Variants in OXR1 observed in about 807,000 individuals in gnomAD.
OXR1 encodes oxidation resistance 1.
A neutral mutation model predicts 104.6 loss-of-function variants in OXR1; 41 were observed. The observed-to-expected ratio is 0.39, with a 90% CI of 0.31 to 0.51. The LOEUF (loss-of-function observed/expected upper bound fraction) is 0.51, where lower values mean the gene tolerates loss of function less well. OXR1 is among the 20% of genes least tolerant of loss of function. OXR1 has a pLI of 0.77. For missense variants in OXR1, 955 were observed against 1,031.9 expected (o/e 0.93, Z 1.02); for synonymous variants, 348 against 348.4 (o/e 1.00, Z 0.01).
chr8:106,444,700 A>T (rs1445758016), intron 2 of OXR1, among the ~76,000 whole-genome samples: 1 of 152,030 alleles, frequency 6.6e-6, no homozygotes, highest in East Asian at 1.9e-4. Context: ...GTGGGGGGTG[A>T]GGGGCAGGAA....
intron 2 of OXR1, among the ~76,000 whole-genome samples, chr8:106,487,570 C>T (rs1810766315): frequency 6.6e-6 from 1 of 151,558 alleles, no homozygotes; most frequent in Non-Finnish European, 1.5e-5. Context: ...CTATCCCTCC[C>T]CACCCCCCAA....
At chr8:106,654,215 T>A (rs1379042893) in intron 3 of OXR1, among the ~76,000 whole-genome samples, 1 of 152,036 alleles carries the variant, frequency 6.6e-6, no homozygotes, top group Non-Finnish European at 1.5e-5. Flanking sequence ...AAAATTCATA[T>A]GGAATGAAAA....
intron 1 of OXR1, among the ~76,000 whole-genome samples, chr8:106,352,738 A>G (rs1460623713): frequency 6.6e-6 from 1 of 152,224 alleles, no homozygotes; most frequent in Admixed American, 6.5e-5. Flanking sequence ...AGGTGCAGGT[A>G]AAACTGTATA....
At chr8:106,678,896 T>C (rs1383943781) in intron 3 of OXR1, among the ~76,000 whole-genome samples, 1 of 152,078 alleles carries the variant, frequency 6.6e-6, no homozygotes, top group Admixed American at 6.5e-5. Context: ...AATGTGTTGG[T>C]ATTATAATCA....
intron 11 of OXR1, among the ~76,000 whole-genome samples, chr8:106,719,805 T>A (rs1040684140): frequency 1.3e-5 from 2 of 151,904 alleles, no homozygotes; most frequent in East Asian, 1.9e-4. Context: ...TGTATTTTTT[T>A]ATTTATTTTA....
At chr8:106,633,541 A>G (rs948004123) in intron 3 of OXR1, among the ~76,000 whole-genome samples, 2 of 152,204 alleles carry the variant, frequency 1.3e-5, no homozygotes, top group African/African-American at 4.8e-5. Flanking sequence ...CTCAAGCCCA[A>G]AAGGAAAAAG....
chr8:106,593,707 C>T (rs974936143), intron 3 of OXR1, among the ~76,000 whole-genome samples: 1 of 152,278 alleles, frequency 6.6e-6, no homozygotes, highest in African/African-American at 2.4e-5. Flanking sequence ...AACCAGGAGG[C>T]AGATCTTGCA....
At position 106,375,854 on chromosome 8, in the gene OXR1, A is replaced by T. The variant is rs561893399; in HGVS notation, c.23+16218A>T. Among the ~76,000 whole-genome samples the T allele has an allele frequency of 1.9e-4, 29 of 152,334 alleles. 1 individual carries two copies. In the South Asian group the frequency reaches 5.0e-3, roughly 26 times the overall value. On this transcript the variant is annotated intron_variant, in intron 2 of 16. Coordinates refer to ENST00000517566, the MANE Select transcript of OXR1 (RefSeq NM_001198533.2). ...TATTCTGTGCCTACCATATGCAGAC[A>T]CGTTTTTAAAGACATGTGGTGCCTT...
intron 3 of OXR1, among the ~76,000 whole-genome samples, chr8:106,574,308 T>C (rs543430443): frequency 1.4e-3 from 214 of 152,286 alleles, no homozygotes; most frequent in Admixed American, 3.7e-3. Flanking sequence ...TTCCTCTGGC[T>C]TCCTTAATAT....
intron 11 of OXR1, among the ~76,000 whole-genome samples, chr8:106,718,090 C>T (rs1021406662): frequency 1.1e-4 from 16 of 152,234 alleles, no homozygotes; most frequent in Admixed American, 9.2e-4. Context: ...CTATTTACTG[C>T]GATAGTGTGA....
chr8:106,475,173 C>T (rs376498592), intron 2 of OXR1, among the ~76,000 whole-genome samples: 18 of 151,942 alleles, frequency 1.2e-4, no homozygotes, highest in East Asian at 9.8e-4. Context: ...TTTTGACTCC[C>T]CTTAAAACTT....
intron 2 of OXR1, among the ~76,000 whole-genome samples, chr8:106,480,259 T>TC (rs1295931284): frequency 6.6e-6 from 1 of 152,032 alleles, no homozygotes; most frequent in Non-Finnish European, 1.5e-5. Flanking sequence ...AGCTCTGATC[T>TC]CTTTTTTTTC....
intron 7 of OXR1, chr8:106,697,440 G>C: frequency 1.9e-6 from 3 of 1,539,182 alleles, no homozygotes; most frequent in Non-Finnish European, 2.7e-6. Flanking sequence ...GATCTGGTGT[G>C]GCATCCAGTA....
intron 1 of OXR1, among the ~76,000 whole-genome samples, chr8:106,306,055 T>G (rs1285515117): frequency 6.6e-6 from 1 of 152,024 alleles, no homozygotes; most frequent in Non-Finnish European, 1.5e-5. Context: ...CTCTTTTTTT[T>G]TTCATTAAAA....
intron 3 of OXR1, among the ~76,000 whole-genome samples, chr8:106,537,333 A>G (rs1411173292): frequency 6.6e-6 from 1 of 152,182 alleles, no homozygotes. Context: ...AGTACAGTGG[A>G]GCAAAGAGAG....
chr8:106,350,892 A>G (rs1303604609), intron 1 of OXR1, among the ~76,000 whole-genome samples: 1 of 152,214 alleles, frequency 6.6e-6, no homozygotes, highest in Non-Finnish European at 1.5e-5. Context: ...GTGAATTTAC[A>G]TGTTGTACAA....
intron 2 of OXR1, among the ~76,000 whole-genome samples, chr8:106,383,902 GA>G (rs1056916938): frequency 1.3e-4 from 20 of 152,236 alleles, no homozygotes; most frequent in Admixed American, 6.5e-4. Context: ...AACTCCTCAG[GA>G]AAAGACCTAG....
intron 3 of OXR1, among the ~76,000 whole-genome samples, chr8:106,521,990 G>C (rs191589600): frequency 6.6e-6 from 1 of 152,228 alleles, no homozygotes; most frequent in Admixed American, 6.5e-5. Context: ...AAAACTCTAG[G>C]AGCCCTCTTG....
intron 2 of OXR1, among the ~76,000 whole-genome samples, chr8:106,512,252 C>T (rs1023554970): frequency 6.6e-6 from 1 of 152,124 alleles, no homozygotes; most frequent in Non-Finnish European, 1.5e-5. Context: ...AATCCAGTCC[C>T]CATGTCCATA....
Sources: gnomAD v4.1 joint callset for allele counts (sites outside exome capture counted in the v4.1 genomes callset) on GRCh38, gnomAD v4.1.1 for gene constraint, MANE v1.5 for transcripts, NCBI Gene and HGNC (gene_info 2026-07-23, HGNC 2026-07-21) for gene names.